HPGDS: variants seen among roughly 807,000 people sequenced by gnomAD.
HPGDS encodes the protein hematopoietic prostaglandin D synthase, also known as GST class-sigma.
HPGDS carries 26 observed loss-of-function variants against 23.1 expected under a neutral mutation model. That is an observed-to-expected ratio of 1.13 (90% CI 0.83 to 1.56). The LOEUF is 1.56. HPGDS is among the 40% of genes most tolerant of loss of function. The pLI, the probability that HPGDS is intolerant of heterozygous loss-of-function variation, is 0.00. For synonymous variants in HPGDS, 95 were observed against 77.9 expected, an observed-to-expected ratio of 1.22 and a Z score of -1.16; for missense variants, 268 against 236.4, an observed-to-expected ratio of 1.13 and a Z score of -0.88.
intron 2 of HPGDS, among the ~76,000 whole-genome samples, chr4:94,330,544 T>G (rs1288634671): frequency 6.6e-6 from 1 of 152,144 alleles, no homozygotes; most frequent in Non-Finnish European, 1.5e-5. Context: ...ACAAGACCAA[T>G]CTATGAAAGC....
chr4:94,309,049 G>GTTTTTTTT (rs1756200928), intron 3 of HPGDS, among the ~76,000 whole-genome samples: 1 of 31,226 alleles, frequency 3.2e-5, no homozygotes, highest in Admixed American at 3.2e-4. Flanking sequence ...GGGTGTACTT[G>GTTTTTTTT]CTTTTTTTTT....
At chr4:94,307,366 A>G (rs1214216323) in intron 4 of HPGDS, among the ~76,000 whole-genome samples, 2 of 152,106 alleles carry the variant, frequency 1.3e-5, no homozygotes, top group East Asian at 3.9e-4. Context: ...ACTGTGACCA[A>G]GTATCTAGGA....
At chr4:94,336,120 C>T (rs1323514511) in intron 1 of HPGDS, among the ~76,000 whole-genome samples, 1 of 151,268 alleles carries the variant, frequency 6.6e-6, no homozygotes, top group African/African-American at 2.4e-5. Flanking sequence ...GCAGGAGAAT[C>T]GCTTGAACCC....
intron 1 of HPGDS, among the ~76,000 whole-genome samples, chr4:94,338,924 AAG>A (rs1391506113): frequency 1.3e-5 from 2 of 152,242 alleles, no homozygotes; most frequent in Non-Finnish European, 2.9e-5. Flanking sequence ...CAAAGAAAAA[AAG>A]AGAACAGGAG....
chr4:94,302,313 A>G (rs112554754), intron 4 of HPGDS, 69 bp from the exon 5 acceptor site: 2 of 1,029,122 alleles, frequency 1.9e-6, no homozygotes, highest in African/African-American at 3.2e-5. Flanking sequence ...AGGAGGAAGT[A>G]GATTTCTCCA....
intron 5 of HPGDS, 107 bp from the exon 6 acceptor site, chr4:94,299,751 G>T (rs532741447): frequency 2.9e-6 from 3 of 1,037,914 alleles, no homozygotes; most frequent in African/African-American, 1.6e-5. Flanking sequence ...AAACAATCTT[G>T]TTATTACAAA....
At chr4:94,320,302 GTATTTC>G (rs1756477367) in intron 2 of HPGDS, among the ~76,000 whole-genome samples, 2 of 152,120 alleles carry the variant, frequency 1.3e-5, no homozygotes, top group Non-Finnish European at 2.9e-5. Context: ...GGGTCAAATG[GTATTTC>G]TATATCTAGA....
intron 2 of HPGDS, among the ~76,000 whole-genome samples, chr4:94,323,690 A>G (rs1161529686): frequency 6.6e-6 from 1 of 152,072 alleles, no homozygotes; most frequent in East Asian, 1.9e-4. Context: ...TGAATACAGC[A>G]CACTGATGGG....
intron 2 of HPGDS, among the ~76,000 whole-genome samples, chr4:94,325,630 C>T (rs1477227611): frequency 6.6e-6 from 1 of 152,322 alleles, no homozygotes; most frequent in East Asian, 1.9e-4. Context: ...TTTGCTAAGA[C>T]CATTGGAAAA....
intron 4 of HPGDS, among the ~76,000 whole-genome samples, chr4:94,306,713 G>A (rs909839780): frequency 6.6e-6 from 1 of 151,986 alleles, no homozygotes; most frequent in African/African-American, 2.4e-5. Context: ...AAATTTAGAA[G>A]CACAATATCA....
chr4:94,311,659 A>T (rs1756275019), intron 3 of HPGDS, among the ~76,000 whole-genome samples: 1 of 151,422 alleles, frequency 6.6e-6, no homozygotes, highest in African/African-American at 2.5e-5. Flanking sequence ...TCATAAAATG[A>T]GTTAGGGAGG....
chr4:94,299,570 G>T lies in HPGDS; in HGVS notation c.510C>A (p.Asn170Lys), dbSNP rs545635413. The change falls in exon 6 of 6, where the codon AAC becomes AAA. Residue 170 changes from asparagine to lysine, a missense_variant. Transcript: ENST00000295256. ...LLVFKPDLLD[N>K]HPRLVTLRKK... is the part of the protein sequence containing the mutation. ...TCCGTAAAGTCACCAGCCTTGGATGGTTGTCTAACAGGTCAGGCTTAAAGA... is the reference window on the plus strand; with the variant it reads ...TCCGTAAAGTCACCAGCCTTGGATGTTTGTCTAACAGGTCAGGCTTAAAGA... 1.9e-6 allele frequency: 3 copies of T among 1,614,062 alleles called. No homozygotes were observed. In the South Asian group the frequency reaches 3.3e-5, roughly 18 times the overall value.
At chr4:94,340,311 C>CTTTTTTTT (rs869240610) in intron 1 of HPGDS, among the ~76,000 whole-genome samples, 5 of 23,684 alleles carry the variant, frequency 2.1e-4, no homozygotes, top group Admixed American at 6.1e-4. Context: ...CTTTCTTTCT[C>CTTTTTTTT]TTTTTTTTTT....
At chr4:94,335,180 G>C (rs1415679866) in intron 1 of HPGDS, among the ~76,000 whole-genome samples, 1 of 152,110 alleles carries the variant, frequency 6.6e-6, no homozygotes, top group Admixed American at 6.6e-5. Flanking sequence ...CCAAGGCCTA[G>C]GGAAACACTG....
intron 1 of HPGDS, among the ~76,000 whole-genome samples, chr4:94,335,002 AATATTTG>A (rs1279075292): frequency 6.6e-6 from 1 of 152,218 alleles, no homozygotes; most frequent in Non-Finnish European, 1.5e-5. Flanking sequence ...GGTAATGTGT[AATATTTG>A]ATATTTTGCC....
chr4:94,306,864 G>T (rs1455148435), intron 4 of HPGDS, among the ~76,000 whole-genome samples: 1 of 151,992 alleles, frequency 6.6e-6, no homozygotes, highest in Non-Finnish European at 1.5e-5. Context: ...AATAAAGGGG[G>T]AGGAAATCAT....
At chr4:94,306,851 GAAAAT>G (rs1756149074) in intron 4 of HPGDS, among the ~76,000 whole-genome samples, 1 of 151,882 alleles carries the variant, frequency 6.6e-6, no homozygotes, top group Non-Finnish European at 1.5e-5. Flanking sequence ...ATGGAACAAA[GAAAAT>G]AAAGGGGGAG....
At chr4:94,316,268 T>C (rs1756397188) in intron 3 of HPGDS, among the ~76,000 whole-genome samples, 1 of 152,174 alleles carries the variant, frequency 6.6e-6, no homozygotes, top group Non-Finnish European at 1.5e-5. Flanking sequence ...GAAGTAGCAG[T>C]ATATAGCATA....
intron 1 of HPGDS, among the ~76,000 whole-genome samples, chr4:94,341,582 A>C (rs1293624155): frequency 6.6e-6 from 1 of 152,254 alleles, no homozygotes; most frequent in Non-Finnish European, 1.5e-5. Flanking sequence ...ATGTTAGCCA[A>C]CGTAAGCTCT....
Sources: allele counts gnomAD v4.1 joint callset (sites outside exome capture counted in the v4.1 genomes callset), GRCh38; gene constraint gnomAD v4.1.1; transcripts MANE v1.5; gene names NCBI Gene and HGNC (gene_info 2026-07-23, HGNC 2026-07-21).